ERG: variants seen among roughly 807,000 people sequenced by gnomAD.
ERG encodes the protein ETS transcription factor ERG.
In ERG, 9 loss-of-function variants were observed where a neutral mutation model predicts 55.3. The observed-to-expected ratio is 0.16, with a 90% confidence interval of 0.10 to 0.28. The LOEUF (loss-of-function observed/expected upper bound fraction) is 0.28. Ranked by LOEUF, ERG falls within the 10% of genes least tolerant of loss-of-function variation. The probability of loss-of-function intolerance (pLI) is 1.00; values close to 1 mark genes in which losing one functional copy is unlikely to be tolerated. For missense variants in ERG, 434 were observed against 631.6 expected, an observed-to-expected ratio of 0.69 and a Z score of 3.35; for synonymous variants, 223 against 237.3, an observed-to-expected ratio of 0.94 and a Z score of 0.55.
chr21:38,611,318 C>T (rs1296307532), intron 1 of ERG, among the ~76,000 whole-genome samples: 1 of 152,200 alleles, frequency 6.6e-6, no homozygotes, highest in Non-Finnish European at 1.5e-5. Context: ...CATCAGATCA[C>T]ATCACTCCCG....
chr21:38,602,849 G>A (rs1007749977), intron 1 of ERG, among the ~76,000 whole-genome samples: 2 of 151,794 alleles, frequency 1.3e-5, no homozygotes, highest in Admixed American at 6.6e-5. Context: ...AGAGCTGGTG[G>A]AGTCCTCAAG....
chr21:38,428,188 A>G (rs1989926084), intron 2 of ERG, among the ~76,000 whole-genome samples: 1 of 151,694 alleles, frequency 6.6e-6, no homozygotes, highest in South Asian at 2.1e-4. Context: ...CTCAAAAAAA[A>G]AACAAAAGAG....
At chr21:38,530,204 C>T (rs944381490) in intron 2 of ERG, among the ~76,000 whole-genome samples, 13 of 151,990 alleles carry the variant, frequency 8.6e-5, no homozygotes, top group African/African-American at 1.9e-4. Context: ...AGACTATAGG[C>T]GCACACCACC....
At chr21:38,452,069 TA>T (rs1026228865) in intron 1 of ERG, among the ~76,000 whole-genome samples, 2 of 152,086 alleles carry the variant, frequency 1.3e-5, no homozygotes, top group Non-Finnish European at 1.5e-5. Flanking sequence ...TTCAAAACTA[TA>T]AAAAAAATCT....
At chr21:38,605,276 T>C (rs1249332720) in intron 1 of ERG, among the ~76,000 whole-genome samples, 1 of 152,152 alleles carries the variant, frequency 6.6e-6, no homozygotes, top group African/African-American at 2.4e-5. Context: ...AAATCACTGT[T>C]TTTAAAAAAT....
intron 3 of ERG, among the ~76,000 whole-genome samples, chr21:38,411,398 AC>A (rs1989039397): frequency 6.6e-6 from 1 of 152,096 alleles, no homozygotes; most frequent in African/African-American, 2.4e-5. Context: ...GCTCACTGCA[AC>A]CTCTGCCTCC....
intron 1 of ERG, among the ~76,000 whole-genome samples, chr21:38,485,252 TAAA>T (rs34620992): frequency 1.2e-3 from 177 of 150,276 alleles, no homozygotes; most frequent in African/African-American, 4.0e-3. Context: ...TTTAGAAAGT[TAAA>T]AAAAAAATAG....
At position 38,562,348 on chromosome 21, in the gene ERG, G is replaced by GC. The variant is rs1367609772; in HGVS notation, c.-41+13313dup. Among the ~76,000 whole-genome samples, 3 of 151,974 alleles carry GC rather than the reference G, an allele frequency of 2.0e-5. No individual in the cohort carries two copies. The East Asian group carries it at 5.8e-4, about 29-fold the overall frequency. ...ATCCCATTTCCTTTTGTTAATACTG[G>GC]CCTTGACTCACTTAGACAAATGGGT... On this transcript the variant is annotated intron_variant, in intron 2 of 8. Coordinates refer to the ERG transcript ENST00000398897.
chr21:38,642,277 C>T (rs191974538), intron 1 of ERG, among the ~76,000 whole-genome samples: 2 of 152,160 alleles, frequency 1.3e-5, no homozygotes, highest in Non-Finnish European at 2.9e-5. Context: ...GAATGAAATG[C>T]ATTACTTTTC....
In ERG at chr21:38,403,401, C is replaced by T. The variant is rs946821195; in HGVS notation, c.592+105G>A. ...CCTCGGATCCCCAGTGGGAACTGGGCGAGGGCAGGAGGATGCTGTCGACAC... is the reference window on the plus strand; with the variant it reads ...CCTCGGATCCCCAGTGGGAACTGGGTGAGGGCAGGAGGATGCTGTCGACAC... On this transcript the variant is annotated intron_variant, in intron 4 of 9. Coordinates refer to ENST00000288319, the MANE Select transcript of ERG (RefSeq NM_182918.4). 3.7e-5 allele frequency: 41 copies of T among 1,114,820 alleles called. No homozygotes were observed. In the Admixed American group the frequency reaches 4.5e-4, roughly 12 times the overall value. 69.1% of individuals were successfully genotyped at this position (1,114,820 alleles called of 1,614,324 possible).
chr21:38,517,696 G>T (rs1019011925), intron 2 of ERG, among the ~76,000 whole-genome samples: 1 of 152,096 alleles, frequency 6.6e-6, no homozygotes, highest in Admixed American at 6.5e-5. Flanking sequence ...GCAAAGACAT[G>T]AAATCAACCT....
chr21:38,630,990 T>G (rs577457292), intron 1 of ERG, among the ~76,000 whole-genome samples: 2 of 152,286 alleles, frequency 1.3e-5, no homozygotes, highest in African/African-American at 4.8e-5. Context: ...TCTTAATGCC[T>G]CATCCTATGC....
At chr21:38,476,300 C>T (rs568247397) in intron 1 of ERG, among the ~76,000 whole-genome samples, 13 of 152,284 alleles carry the variant, frequency 8.5e-5, no homozygotes, top group Non-Finnish European at 1.5e-4. Flanking sequence ...CAGAGAGAGG[C>T]GGGCTGCAAT....
intron 3 of ERG, among the ~76,000 whole-genome samples, chr21:38,407,174 C>T (rs532296384): frequency 1.4e-4 from 22 of 152,190 alleles, no homozygotes; most frequent in East Asian, 5.8e-4. Flanking sequence ...AGAGGATGTG[C>T]GCAATGATTT....
intron 2 of ERG, among the ~76,000 whole-genome samples, chr21:38,425,215 C>A (rs1383312377): frequency 2.0e-4 from 31 of 152,058 alleles, no homozygotes; most frequent in Non-Finnish European, 1.0e-4. Flanking sequence ...GAAACCCAGT[C>A]TTTACTAAAA....
At chr21:38,573,478 C>T (rs921361234) in intron 2 of ERG, among the ~76,000 whole-genome samples, 5 of 152,228 alleles carry the variant, frequency 3.3e-5, no homozygotes, top group South Asian at 2.1e-4. Context: ...GAAGGTGAGA[C>T]ATGTTTACAG....
Position 38,383,632 on chromosome 21 carries a change from G to A in ERG, c.1211C>T (p.Pro404Leu), listed in dbSNP as rs919467999. Residue 404 changes from proline (P) to leucine (L), a missense_variant, in exon 10 of 10, where the codon CCG becomes CTG. Coordinates refer to ENST00000288319, the MANE Select transcript of ERG (RefSeq NM_182918.4). The surrounding 1 kb of genome is among the most constrained non-coding windows in gnomAD (Gnocchi z 5.7). The stretch of plus-strand genomic sequence containing the variant: ...GGGGTACTTGTACAGAGATGACTCC[G>A]GGGGGTGGGGCTGGAGGGCCTGGGC... ...GIAQALQPHPPESSLYKYPSD... is the reference protein window; with the variant it reads ...GIAQALQPHPLESSLYKYPSD... 1.2e-6 allele frequency: 2 copies of A among 1,613,920 alleles called. No individual in the cohort carries two copies. Among genetic ancestry groups the A allele is most frequent in the Non-Finnish European group, 1.7e-6 (2 of 1,179,920 alleles).
intron 2 of ERG, among the ~76,000 whole-genome samples, chr21:38,537,385 A>G (rs535447884): frequency 9.9e-5 from 15 of 152,120 alleles, no homozygotes; most frequent in Non-Finnish European, 2.1e-4. Flanking sequence ...CCTATAAAAT[A>G]AGAGAAAATA....
At chr21:38,406,154 C>CAAAAAAAAA (rs56711562) in intron 3 of ERG, among the ~76,000 whole-genome samples, 13 of 95,022 alleles carry the variant, frequency 1.4e-4, no homozygotes, top group East Asian at 3.5e-4. Context: ...GACTCCATCT[C>CAAAAAAAAA]AAAAAAAAAA....
Sources: gnomAD v4.1 joint callset for allele counts (sites outside exome capture counted in the v4.1 genomes callset) on GRCh38, gnomAD v4.1.1 for gene constraint, Gnocchi (gnomAD v3.1) non-coding constraint, MANE v1.5 for transcripts, NCBI Gene and HGNC (gene_info 2026-07-23, HGNC 2026-07-21) for gene names.